The following POLA2 variants were observed in gnomAD, a reference collection of about 807,000 sequenced individuals.
POLA2 encodes the protein DNA polymerase alpha 2, accessory subunit, also known as DNA polymerase alpha subunit B.
In POLA2, 47 loss-of-function variants were observed where a neutral mutation model predicts 82.8. The observed-to-expected ratio is 0.57, with a 90% confidence interval of 0.45 to 0.72. The LOEUF (loss-of-function observed/expected upper bound fraction) is 0.72, where lower values mean the gene tolerates loss of function less well. Ranked by LOEUF, POLA2 falls within the 30% of genes least tolerant of loss-of-function variation. The probability of loss-of-function intolerance (pLI) is 0.00; values close to 1 mark genes in which losing one functional copy is unlikely to be tolerated. For missense variants in POLA2, 634 were observed against 728.1 expected (o/e 0.87, Z 1.49); for synonymous variants, 287 against 286.8 (o/e 1.00, Z -0.01).
chr11:65,282,639 G>GATCTA, intron 10 of POLA2, 118 bp downstream of exon 10: 1 of 832,832 alleles, frequency 1.2e-6, no homozygotes. Flanking sequence ...ATGTGACCAA[G>GATCTA]CAGTGAGGGC....
At chr11:65,282,630 T>C in intron 10 of POLA2, 109 bp downstream of exon 10, 3 of 938,218 alleles carry the variant, frequency 3.2e-6, no homozygotes, top group Non-Finnish European at 5.2e-6. Flanking sequence ...TGAAGAGCAA[T>C]GTGACCAAGC....
At chr11:65,301,679 A>C (rs914364451), downstream of POLA2, among the ~76,000 whole-genome samples, 8 of 152,082 alleles carry the variant, frequency 5.3e-5, no homozygotes, top group Non-Finnish European at 1.5e-5. Context: ...TCACTGATCA[A>C]CAAGGCAAAA....
intron 13 of POLA2, 48 bp from the exon 14 acceptor site, chr11:65,294,105 A>T: frequency 6.6e-7 from 1 of 1,511,250 alleles, no homozygotes; most frequent in Non-Finnish European, 9.2e-7. Context: ...TTCTAACTCA[A>T]CTGCACTCAC....
chr11:65,272,440 T>C (rs1949531376), intron 4 of POLA2, among the ~76,000 whole-genome samples: 1 of 152,234 alleles, frequency 6.6e-6, no homozygotes, highest in Non-Finnish European at 1.5e-5. Flanking sequence ...TCAGTGATTT[T>C]AGCTTATCAC....
intron 5 of POLA2, among the ~76,000 whole-genome samples, chr11:65,277,010 G>A (rs1009426399): frequency 6.6e-6 from 1 of 151,888 alleles, no homozygotes; most frequent in African/African-American, 2.4e-5. Flanking sequence ...GGCTGATCTT[G>A]CACTCCTGAC....
At chr11:65,284,127 C>CCAGATAGATAGA (rs1555021561) in intron 10 of POLA2, among the ~76,000 whole-genome samples, 1 of 143,060 alleles carries the variant, frequency 7.0e-6, no homozygotes, top group Non-Finnish European at 1.5e-5. Context: ...GAGTAAGACA[C>CCAGATAGATAGA]TAGATAGATA....
downstream of POLA2, among the ~76,000 whole-genome samples, chr11:65,302,810 C>G (rs183627557): frequency 2.9e-3 from 439 of 152,034 alleles, 4 homozygotes; most frequent in African/African-American, 0.01. Flanking sequence ...TCGCTGCAGC[C>G]TCAACCTCCC....
rs553495236 is a variant in POLA2, at chr11:65,274,183, T to C, written c.355-1709T>C. ...CCTGACCAACATGGCGAAACTCACA[T>C]CTCTACTAGAAATACAAAATTAGCT... On this transcript the variant is annotated intron_variant, in intron 4 of 17. Coordinates refer to ENST00000265465, the MANE Select transcript of POLA2 (RefSeq NM_002689.4). Among the ~76,000 whole-genome samples, 21 of 148,214 alleles carry C rather than the reference T, an allele frequency of 1.4e-4. No homozygotes were observed. The East Asian group carries it at 3.3e-3, about 23-fold the overall frequency.
At chr11:65,266,400 C>T (rs1426376831) in intron 1 of POLA2, 182 bp from the exon 2 acceptor site, 4 of 591,712 alleles carry the variant, frequency 6.8e-6, no homozygotes, top group Non-Finnish European at 1.2e-5. Context: ...CTTTTGTCTC[C>T]CCTCAGTGGT....
intron 1 of POLA2, among the ~76,000 whole-genome samples, chr11:65,263,220 C>CTCT (rs1272422875): frequency 1.6e-5 from 2 of 123,198 alleles, no homozygotes; most frequent in African/African-American, 6.5e-5. Flanking sequence ...CTCTCTCTCT[C>CTCT]TTTTTTTTTT....
At position 65,266,404 on chromosome 11, in the gene POLA2, C is replaced by G. The variant is rs12273468; in HGVS notation, c.80-178C>G. 7.1e-3 allele frequency: 4,341 copies of G among 607,412 alleles called. 150 individuals are homozygous for G. Among genetic ancestry groups the G allele is most frequent in the African/African-American group, 0.07 (3,799 of 53,954 alleles). 37.6% of individuals were successfully genotyped at this position (607,412 alleles called of 1,614,324 possible). On this transcript the variant is annotated intron_variant, in intron 1 of 17. Transcript: ENST00000265465. ...GCCCTTATCCTCTTTTGTCTCCCCT[C>G]AGTGGTGAGCTTTGTAAGGACAAGG...
Position 65,262,273 on chromosome 11 carries a change from G to T in POLA2, c.-20G>T. 8.1e-6 allele frequency: 13 copies of T among 1,607,328 alleles called. No homozygotes were observed. The highest frequency in any genetic ancestry group is 1.1e-5 in the Non-Finnish European group (13 of 1,176,516). On this transcript the variant is annotated 5_prime_UTR_variant, in exon 1 of 18. Coordinates refer to ENST00000265465, the MANE Select transcript of POLA2 (RefSeq NM_002689.4). ...TCGGAGCTGGGTGGGCCGGCTCCCC[G>T]GCCCCTGGCTTGGGCGACCATGTCC...
Position 65,296,006 on chromosome 11 carries a change from G to A in POLA2, c.1647+16G>A, listed in dbSNP as rs767352246. On this transcript the variant is annotated intron_variant, in intron 17 of 17. Coordinates refer to ENST00000265465, the MANE Select transcript of POLA2 (RefSeq NM_002689.4). ...CTTCGTGAAGGTAGGTTTGAACTCT[G>A]CTTTTTCCCAGAAACACCAGAACCC... 6.2e-7 allele frequency: 1 copy of A among 1,614,004 alleles called. No homozygotes were observed. Among genetic ancestry groups the A allele is most frequent in the African/African-American group, 1.3e-5 (1 of 75,038 alleles).
chr11:65,287,931 C>T, intron 11 of POLA2, 91 bp downstream of exon 11: 3 of 1,207,300 alleles, frequency 2.5e-6, no homozygotes, highest in East Asian at 2.4e-5. Flanking sequence ...TCAGTCCCTC[C>T]TCCTTTTAGA....
At chr11:65,296,315 C>G (rs960225698) in intron 17 of POLA2, 2 of 251,622 alleles carry the variant, frequency 7.9e-6, no homozygotes, top group African/African-American at 2.2e-5. Context: ...CTTGCCTGTC[C>G]TCTGCCTCCC....
At chr11:65,263,218 CTCTT>C (rs1949419173) in intron 1 of POLA2, among the ~76,000 whole-genome samples, 1 of 144,022 alleles carries the variant, frequency 6.9e-6, no homozygotes, top group East Asian at 2.0e-4. Flanking sequence ...TTCTCTCTCT[CTCTT>C]TTTTTTTTTT....
At position 65,287,607 on chromosome 11, in the gene POLA2, A is replaced by G. The variant is rs1949710621; in HGVS notation, c.1007-109A>G. 10 of 999,334 alleles carry G rather than the reference A, an allele frequency of 1.0e-5. No individual in the cohort carries two copies. The South Asian group carries it at 1.1e-4, about 11-fold the overall frequency. 61.9% of individuals were successfully genotyped at this position (999,334 alleles called of 1,614,324 possible). A position where few individuals can be genotyped will look rare whatever the true frequency, so the allele number is the denominator to read the frequency against. The stretch of plus-strand genomic sequence containing the variant: ...CTTGGGTCCCCAGAGTTTCACACAT[A>G]AAGGACTCAATGAGTTAAATCCTGT... On this transcript the variant is annotated intron_variant, in intron 10 of 17. Coordinates refer to ENST00000265465, the MANE Select transcript of POLA2 (RefSeq NM_002689.4).
At chr11:65,275,589 CAGAA>C (rs935073207) in intron 4 of POLA2, among the ~76,000 whole-genome samples, 6 of 152,196 alleles carry the variant, frequency 3.9e-5, no homozygotes, top group Admixed American at 1.3e-4. Flanking sequence ...GAGGTAGGGA[CAGAA>C]AGTAAACATA....
Position 65,262,282 on chromosome 11 carries a change from C to T in POLA2, c.-11C>T. 3 of 1,610,952 alleles carry T rather than the reference C, an allele frequency of 1.9e-6. No individual in the cohort carries two copies. Among genetic ancestry groups the T allele is most frequent in the Non-Finnish European group, 2.5e-6 (3 of 1,178,664 alleles). On this transcript the variant is annotated 5_prime_UTR_variant, in exon 1 of 18. Transcript: ENST00000265465. Reference sequence around the variant, plus strand: ...GGTGGGCCGGCTCCCCGGCCCCTGGCTTGGGCGACCATGTCCGCATCCGCC... The same window carrying T: ...GGTGGGCCGGCTCCCCGGCCCCTGGTTTGGGCGACCATGTCCGCATCCGCC...
Sources: gnomAD v4.1 joint callset for allele counts (sites outside exome capture counted in the v4.1 genomes callset) on GRCh38, gnomAD v4.1.1 for gene constraint, MANE v1.5 for transcripts, NCBI Gene and HGNC (gene_info 2026-07-23, HGNC 2026-07-21) for gene names.